The following HMCN2 variants were observed in gnomAD, a reference collection of about 807,000 sequenced individuals.
HMCN2 encodes the protein hemicentin-2.
Under a neutral mutation model 377.5 loss-of-function variants are expected in HMCN2, and 325 were observed. The observed-to-expected ratio is 0.86, with a 90% CI of 0.79 to 0.94. The LOEUF (loss-of-function observed/expected upper bound fraction) is 0.94. Ranked by LOEUF, HMCN2 falls within the 40% of genes least tolerant of loss-of-function variation. The pLI, the probability that HMCN2 is intolerant of heterozygous loss-of-function variation, is 0.00. For missense variants in HMCN2, 4,543 were observed against 4,725.3 expected, an observed-to-expected ratio of 0.96 and a Z score of 1.13; for synonymous variants, 2,007 against 2,046.8, an observed-to-expected ratio of 0.98 and a Z score of 0.53.
At chr9:130,381,189 C>T (rs1027779420) in intron 54 of HMCN2, among the ~76,000 whole-genome samples, 1 of 152,168 alleles carries the variant, frequency 6.6e-6, no homozygotes, top group Non-Finnish European at 1.5e-5. Flanking sequence ...CAACTGACCC[C>T]TACAATGCCA....
At chr9:130,426,200 C>CTGATGTT (rs1844352597) in intron 90 of HMCN2, among the ~76,000 whole-genome samples, 1 of 152,172 alleles carries the variant, frequency 6.6e-6, no homozygotes, top group Admixed American at 6.5e-5. Context: ...TCCAACCACC[C>CTGATGTT]CAGGCTGATG....
At chr9:130,348,757 G>A in intron 27 of HMCN2, 82 bp downstream of exon 27, 1 of 1,276,874 alleles carries the variant, frequency 7.8e-7, no homozygotes, top group Non-Finnish European at 1.0e-6. Context: ...TTCTGCGTGT[G>A]CCAAGGTGGG....
chr9:130,430,226 G>A, intron 94 of HMCN2, 58 bp from the exon 95 acceptor site: 2 of 1,375,416 alleles, frequency 1.5e-6, no homozygotes, highest in Non-Finnish European at 2.0e-6. Context: ...GGCAATGGCT[G>A]CAGGCTGCAG....
chr9:130,297,913 A>G (rs1263760915), intron 7 of HMCN2, among the ~76,000 whole-genome samples: 2 of 152,162 alleles, frequency 1.3e-5, no homozygotes, highest in African/African-American at 4.8e-5. Context: ...AGGAGGCCAC[A>G]TGCGACCCTG....
At position 130,386,510 on chromosome 9, in the gene HMCN2, C is replaced by T. The variant is rs1842029676; in HGVS notation, c.9377C>T (p.Thr3126Ile). Reference sequence around the variant, plus strand: ...GCTGGGGAGGCCGTGCGGACCTTCACCCTCACCGTCCAGGGTAAGCCAGGG... The same window carrying T: ...GCTGGGGAGGCCGTGCGGACCTTCATCCTCACCGTCCAGGGTAAGCCAGGG... ...NVAGEAVRTF[T>I]LTVQVPPTFE... The change falls in exon 61 of 98, where the codon ACC (threonine) becomes ATC (isoleucine). Residue 3126 changes from threonine to isoleucine, a missense_variant. This residue lies in a region of HMCN2 where 736 missense variants were observed against 773.2 expected (regional missense o/e 0.95). Coordinates refer to ENST00000683500, the MANE Select transcript of HMCN2 (RefSeq NM_001291815.2). 7.7e-7 allele frequency: 1 copy of T among 1,303,438 alleles called. No homozygotes were observed. The highest frequency in any genetic ancestry group is 1.0e-6 in the Non-Finnish European group (1 of 988,826). The allele number at this position is 1,303,438 out of a possible 1,614,324, so 80.7% of individuals were successfully genotyped here. A position where few individuals can be genotyped will look rare whatever the true frequency, so the allele number is the denominator to read the frequency against.
chr9:130,428,667 A>G lies in HMCN2; in HGVS notation c.14197+178A>G, dbSNP rs1402072792. 6.6e-6 allele frequency among the ~76,000 whole-genome samples: 1 copy of G among 152,092 alleles called. No homozygotes were observed. The highest frequency in any genetic ancestry group is 2.4e-5 in the African/African-American group (1 of 41,398). ...GCCTGCGCCAGGCTCTGGAGGTCTG[A>G]GCCCTCCCCTGGCTCCTGGCAGCTG... On this transcript the variant is annotated intron_variant, in intron 93 of 97. Transcript: ENST00000683500. The surrounding 1 kb of genome is among the most constrained non-coding windows in gnomAD (Gnocchi z 5.0).
chr9:130,406,035 G>A lies in HMCN2; in HGVS notation c.12420G>A (p.Leu4140=), dbSNP rs2131733106. ...RARRRVHLTI[L]VLPVFTTLPG... ...GCCGCCGCGTGCACCTCACCATCCT[G>A]GTACTGCCTGTGTTCACCACCCTGC... The change falls in exon 82 of 98, where the codon CTG becomes CTA. Residue 4140 remains leucine (L), a synonymous_variant. Transcript: ENST00000683500. The A allele has an allele frequency of 1.6e-6, 2 of 1,289,856 alleles. No individual in the cohort carries two copies. The highest frequency in any genetic ancestry group is 1.2e-5 in the South Asian group (1 of 81,028). 79.9% of individuals were successfully genotyped at this position (1,289,856 alleles called of 1,614,324 possible).
At chr9:130,342,286 A>AG (rs1839099443) in intron 24 of HMCN2, 64 bp from the exon 25 acceptor site, 2 of 152,286 alleles carry the variant, frequency 1.3e-5, no homozygotes, top group African/African-American at 4.8e-5. Flanking sequence ...CCTTGGAGGC[A>AG]GGGGTTGAGG....
rs1554937310 is a variant in HMCN2 at position 130,307,564 on chromosome 9, G to A, written c.2198G>A (p.Arg733Gln). ...CCCCCGCCCCGAGTCATCTGGTATC[G>A]AGGTGTGTTGGTGGGGAGGGGCCCT... ...GVPPPRVIWY[R>Q]GGLEMILAPE... Residue 733 changes from arginine to glutamine, a missense_variant and splice_region_variant, in exon 14 of 98, where the codon CGA becomes CAA. Physicochemically the swap from Arg to Gln is conservative, Grantham distance 43. Coordinates refer to ENST00000683500, the MANE Select transcript of HMCN2 (RefSeq NM_001291815.2). The A allele has an allele frequency of 1.1e-5, 5 of 471,110 alleles. No individual in the cohort carries two copies. Among genetic ancestry groups the A allele is most frequent in the Non-Finnish European group, 1.3e-5 (3 of 227,030 alleles). 29.2% of individuals were successfully genotyped at this position (471,110 alleles called of 1,614,324 possible). A position where few individuals can be genotyped will look rare whatever the true frequency, so the allele number is the denominator to read the frequency against.
intron 15 of HMCN2, among the ~76,000 whole-genome samples, chr9:130,318,900 C>G (rs998815513): frequency 6.6e-6 from 1 of 152,224 alleles, no homozygotes; most frequent in Admixed American, 6.5e-5. Context: ...ATAATCCCCC[C>G]CGACGCTGGC....
chr9:130,342,064 A>AAAT (rs1839088267), intron 24 of HMCN2, among the ~76,000 whole-genome samples: 1 of 97,604 alleles, frequency 1.0e-5, no homozygotes, highest in Non-Finnish European at 2.3e-5. Flanking sequence ...AATAAATAAA[A>AAAT]GCTTGGAAAG....
At position 130,285,153 on chromosome 9, in the gene HMCN2, T is replaced by A. The variant is rs1456874711; in HGVS notation, c.331-5T>A. ...GGCAGCTGCTGACATGCTTCTGCCC[T>A]CCAGGGAGGTGGTGACTGCCCGGAG... On this transcript the variant is annotated splice_region_variant and splice_polypyrimidine_tract_variant and intron_variant, in intron 2 of 97. Transcript: ENST00000683500. 1 of 470,912 alleles carries A rather than the reference T, an allele frequency of 2.1e-6. No individual in the cohort carries two copies. The highest frequency in any genetic ancestry group is 6.9e-5 in the East Asian group (1 of 14,402). 29.2% of individuals were successfully genotyped at this position (470,912 alleles called of 1,614,324 possible). A position where few individuals can be genotyped will look rare whatever the true frequency, so the allele number is the denominator to read the frequency against.
chr9:130,422,783 A>G lies in HMCN2; in HGVS notation c.13381+57A>G, dbSNP rs1295749288. On this transcript the variant is annotated intron_variant, in intron 87 of 97. Coordinates refer to ENST00000683500, the MANE Select transcript of HMCN2 (RefSeq NM_001291815.2). This position sits in a 1 kb window ranked among gnomAD's most constrained non-coding sequence, Gnocchi z 4.2. ...GGGTTATTGTCACAGCCCAGCGAGC[A>G]TCCTCCAGAACATGCTGGACCTAGG... is the stretch of plus-strand genomic sequence containing the variant. The G allele has an allele frequency of 2.4e-6, 3 of 1,235,814 alleles. No homozygotes were observed. Among genetic ancestry groups the G allele is most frequent in the Non-Finnish European group, 3.1e-6 (3 of 978,116 alleles). 76.6% of individuals were successfully genotyped at this position (1,235,814 alleles called of 1,614,324 possible).
At chr9:130,337,354 C>CA (rs1158491635) in intron 22 of HMCN2, among the ~76,000 whole-genome samples, 1 of 152,144 alleles carries the variant, frequency 6.6e-6, no homozygotes, top group Non-Finnish European at 1.5e-5. Flanking sequence ...CGACTGCAGT[C>CA]AGAGTCAGGC....
chr9:130,427,466 G>T, intron 91 of HMCN2, 31 bp from the exon 92 acceptor site: 1 of 1,550,314 alleles, frequency 6.5e-7, no homozygotes, highest in Non-Finnish European at 8.7e-7. Flanking sequence ...GGGCCTGGGA[G>T]CGGAGACCAC....
rs770265458 is a variant in HMCN2 at position 130,431,450 on chromosome 9, G to T, written c.14731G>T (p.Gly4911Cys). The change falls in exon 96 of 98, where the codon GGC (glycine) becomes TGC (cysteine). Residue 4911 changes from glycine (G) to cysteine (C), a missense_variant. Transcript: ENST00000683500. ...CAGCTACCAGTGCCTGTGCCCCGCCGGCTACCGTCTGCTCCCCAGCGGGAA... is the reference window on the plus strand; with the variant it reads ...CAGCTACCAGTGCCTGTGCCCCGCCTGCTACCGTCTGCTCCCCAGCGGGAA... ...EGSYQCLCPA[G>C]YRLLPSGKNC... is the part of the protein sequence containing the mutation. 1 of 1,549,950 alleles carries T rather than the reference G, an allele frequency of 6.5e-7. No individual in the cohort carries two copies. Among genetic ancestry groups the T allele is most frequent in the East Asian group, 2.4e-5 (1 of 40,920 alleles).
chr9:130,283,193 G>C (rs1554926357), intron 1 of HMCN2, among the ~76,000 whole-genome samples: 2 of 152,016 alleles, frequency 1.3e-5, no homozygotes, highest in Admixed American at 6.6e-5. Context: ...CAGGATCCCC[G>C]GAACGCCAGC....
rs567188744 is a variant in HMCN2 at position 130,389,864 on chromosome 9, C to T, written c.9524-1113C>T. ...TGCTGGGATTATAGGCATGAGCCACCGTGCCCAGCCAGTGCTTCCTTATTT... is the reference window on the plus strand; with the variant it reads ...TGCTGGGATTATAGGCATGAGCCACTGTGCCCAGCCAGTGCTTCCTTATTT... On this transcript the variant is annotated intron_variant, in intron 62 of 97. Coordinates refer to ENST00000683500, the MANE Select transcript of HMCN2 (RefSeq NM_001291815.2). Among the ~76,000 whole-genome samples, 165 of 152,346 alleles carry T rather than the reference C, an allele frequency of 1.1e-3. 2 individuals carry two copies. Among genetic ancestry groups the T allele is most frequent in the Middle Eastern group, 6.8e-3 (2 of 294 alleles).
intron 96 of HMCN2, 128 bp downstream of exon 96, chr9:130,431,614 G>A (rs937064207): frequency 9.4e-5 from 129 of 1,366,806 alleles, no homozygotes; most frequent in Admixed American, 1.6e-4. Context: ...GAGGTGGGGC[G>A]GGGAGGCAGG....
Sources: allele counts gnomAD v4.1 joint callset (sites outside exome capture counted in the v4.1 genomes callset), GRCh38; gene constraint gnomAD v4.1.1; regional missense constraint gnomAD v4.1.1; non-coding constraint Gnocchi (gnomAD v3.1); transcripts MANE v1.5; gene names NCBI Gene and HGNC (gene_info 2026-07-23, HGNC 2026-07-21).